Variants in PSMA6 observed in about 807,000 individuals in gnomAD.
The protein encoded by PSMA6 is proteasome 20S subunit alpha 6.
For missense variants in PSMA6, 170 were observed against 294.8 expected (o/e 0.58, Z 3.10); for synonymous variants, 88 against 97.7 (o/e 0.90, Z 0.59).
chr14:35,313,293 A>G (rs1002286029), intron 5 of PSMA6: 10 of 402,984 alleles, frequency 2.5e-5, no homozygotes, highest in African/African-American at 1.7e-4. Flanking sequence ...ATATAATAGG[A>G]AAATATAAAT....
chr14:35,294,358 T>C (rs2051542470), intron 1 of PSMA6, among the ~76,000 whole-genome samples: 1 of 152,240 alleles, frequency 6.6e-6, no homozygotes, highest in African/African-American at 2.4e-5. Flanking sequence ...TTTTAATCTC[T>C]GTGAATAACA....
intron 1 of PSMA6, among the ~76,000 whole-genome samples, chr14:35,307,548 A>C (rs945770369): frequency 1.3e-5 from 2 of 152,156 alleles, no homozygotes; most frequent in African/African-American, 2.4e-5. Flanking sequence ...AGCCTGGCCA[A>C]CACAGCGAAA....
chr14:35,304,495 C>CG (rs1374417347), intron 1 of PSMA6, among the ~76,000 whole-genome samples: 2 of 151,892 alleles, frequency 1.3e-5, no homozygotes, highest in African/African-American at 4.8e-5. Flanking sequence ...TCTGGGAGGC[C>CG]GAGGTGGGTG....
At position 35,284,392 on chromosome 14, in the gene PSMA6, G is replaced by A. The variant is rs190881070; in HGVS notation, c.19+5674G>A. 7.2e-5 allele frequency among the ~76,000 whole-genome samples: 11 copies of A among 152,078 alleles called. No individual in the cohort carries two copies. The East Asian group carries it at 1.5e-3, about 21-fold the overall frequency. On this transcript the variant is annotated intron_variant, in intron 1 of 6. Transcript: ENST00000540871. ...AACAGGTAGTCTTACATTCCCTTTG[G>A]CCCGTGAGCATATAAGGTCATTTTC...
chr14:35,304,145 G>A (rs920654052), intron 1 of PSMA6, among the ~76,000 whole-genome samples: 1 of 151,926 alleles, frequency 6.6e-6, no homozygotes, highest in East Asian at 1.9e-4. Flanking sequence ...GCTAATTTTT[G>A]TATTTTTAAT....
intron 1 of PSMA6, among the ~76,000 whole-genome samples, chr14:35,279,086 C>A (rs935491504): frequency 2.6e-5 from 4 of 152,078 alleles, no homozygotes; most frequent in African/African-American, 9.7e-5. Context: ...TCGCTCTTCT[C>A]GCCCAGGCTG....
Position 35,278,641 on chromosome 14 carries a change from A to G in PSMA6, c.-59A>G, listed in dbSNP as rs1034684265. On this transcript the variant is annotated 5_prime_UTR_variant, in exon 1 of 7. Coordinates refer to the PSMA6 transcript ENST00000540871. ...CTCTGCTGGAGCAGGGTAGTGTCCTAGGCTGGGAGAATGGGATGGAGCCTC... is the reference window on the plus strand; with the variant it reads ...CTCTGCTGGAGCAGGGTAGTGTCCTGGGCTGGGAGAATGGGATGGAGCCTC... The G allele has an allele frequency of 6.5e-6, 10 of 1,531,268 alleles. No individual in the cohort carries two copies. In the Admixed American group the frequency reaches 1.8e-4, roughly 27 times the overall value. The allele number at this position is 1,531,268 out of a possible 1,614,324, so 94.9% of individuals were successfully genotyped here. A position where few individuals can be genotyped will look rare whatever the true frequency, so the allele number is the denominator to read the frequency against.
chr14:35,298,768 C>G (rs949299128), intron 1 of PSMA6, among the ~76,000 whole-genome samples: 28 of 151,978 alleles, frequency 1.8e-4, no homozygotes, highest in African/African-American at 5.3e-4. Context: ...GAGTTTCACT[C>G]GGTTGCCCAG....
At chr14:35,311,892 G>A (rs2051951185) in intron 4 of PSMA6, among the ~76,000 whole-genome samples, 1 of 152,048 alleles carries the variant, frequency 6.6e-6, no homozygotes, top group African/African-American at 2.4e-5. Context: ...TTCCCAAAGT[G>A]TGTCCCATAC....
chr14:35,297,119 G>GTTT (rs924383407), intron 1 of PSMA6, among the ~76,000 whole-genome samples: 1,260 of 62,642 alleles, frequency 0.02, 186 homozygotes, highest in South Asian at 0.033. Flanking sequence ...TCTTAACAAA[G>GTTT]TTTTTTTTTT....
intron 1 of PSMA6, among the ~76,000 whole-genome samples, chr14:35,283,539 T>G (rs1034482908): frequency 1.3e-5 from 2 of 151,162 alleles, no homozygotes; most frequent in Non-Finnish European, 2.9e-5. Flanking sequence ...TAATAGGATG[T>G]TAGACTAGAA....
chr14:35,297,121 T>TG (rs1555336530), intron 1 of PSMA6, among the ~76,000 whole-genome samples: 4 of 114,416 alleles, frequency 3.5e-5, no homozygotes, highest in Non-Finnish European at 7.0e-5. Flanking sequence ...TTAACAAAGT[T>TG]TTTTTTTTTT....
chr14:35,304,811 G>T (rs1322256985), intron 1 of PSMA6, among the ~76,000 whole-genome samples: 2 of 152,098 alleles, frequency 1.3e-5, no homozygotes, highest in Non-Finnish European at 2.9e-5. Context: ...GGGGGTTATG[G>T]CTCATACCTG....
intron 1 of PSMA6, chr14:35,278,769 C>T (rs746675077): frequency 7.3e-6 from 11 of 1,516,150 alleles, no homozygotes; most frequent in Middle Eastern, 4.3e-4. Flanking sequence ...ATTACTGATT[C>T]TTTGAAAATA....
At chr14:35,307,865 C>A in intron 1 of PSMA6, 129 bp from the exon 2 acceptor site, 1 of 734,366 alleles carries the variant, frequency 1.4e-6, no homozygotes. Flanking sequence ...TGACTTTGCA[C>A]ATCCTGGAAT....
chr14:35,280,166 G>A (rs1278590734), intron 1 of PSMA6, among the ~76,000 whole-genome samples: 2 of 151,070 alleles, frequency 1.3e-5, no homozygotes, highest in Non-Finnish European at 1.5e-5. Flanking sequence ...TCGGCCTGGC[G>A]CAATGGCTCA....
chr14:35,295,233 A>G (rs1344697527), intron 1 of PSMA6, among the ~76,000 whole-genome samples: 1 of 151,836 alleles, frequency 6.6e-6, no homozygotes, highest in Non-Finnish European at 1.5e-5. Flanking sequence ...CCTCCTCAGG[A>G]AGCTGAGGCA....
intron 3 of PSMA6, chr14:35,310,248 C>A: frequency 2.3e-6 from 1 of 428,150 alleles, no homozygotes; most frequent in Admixed American, 2.8e-5. Context: ...GCTCCGCCTC[C>A]TGGGTTCAAG....
At chr14:35,315,698 G>A (rs995139299) in intron 6 of PSMA6, 2 of 144,918 alleles carry the variant, frequency 1.4e-5, no homozygotes, top group African/African-American at 5.5e-5. Context: ...TTTGAAAAAG[G>A]TGCCTTTTTT....
Sources: gnomAD v4.1 joint callset for allele counts (sites outside exome capture counted in the v4.1 genomes callset) on GRCh38, gnomAD v4.1.1 for gene constraint, MANE v1.5 for transcripts, NCBI Gene and HGNC (gene_info 2026-07-23, HGNC 2026-07-21) for gene names.